Variants in GLYR1 observed in about 807,000 individuals in gnomAD.
GLYR1 encodes cytokine-like nuclear factor N-PAC.
In GLYR1, 21 loss-of-function variants were observed where a neutral mutation model predicts 72.7. The observed-to-expected ratio is 0.29, with a 90% CI of 0.20 to 0.42. GLYR1 has a LOEUF of 0.42. Ranked by LOEUF, GLYR1 falls within the 10% of genes least tolerant of loss-of-function variation. The pLI, the probability that GLYR1 is intolerant of heterozygous loss-of-function variation, is 1.00. For missense variants in GLYR1, 594 were observed against 712.1 expected (o/e 0.83, Z 1.89); for synonymous variants, 392 against 270.2 (o/e 1.45, Z -4.42).
In GLYR1 at chr16:4,811,787, G is replaced by A. The variant is rs2083334284; in HGVS notation, c.1298C>T (p.Ala433Val). ...GTTCACGATCAGCATCATCTTGGCT[G>A]CATTGCCCACTTCACCTGCCCAGGG... ...TSFFLGEVGN[A>V]AKMMLIVNMV... The change falls in exon 14 of 16, where the codon GCA becomes GTA. Residue 433 changes from alanine to valine, a missense_variant. By Grantham distance (64) the Ala-to-Val change is moderately conservative. Transcript: ENST00000321919. 2 of 1,613,104 alleles carry A rather than the reference G, an allele frequency of 1.2e-6. No individual in the cohort carries two copies. Among genetic ancestry groups the A allele is most frequent in the African/African-American group, 1.3e-5 (1 of 74,908 alleles).
rs903438359 is a variant in GLYR1, at chr16:4,824,516, G to GA, written c.538-610dup. ...TCCATCTCAAAAAAAAAAAAAAAAA[G>GA]AAAAAAAAGAAACAGTAGTGGCTTC... On this transcript the variant is annotated intron_variant, in intron 5 of 15. Transcript: ENST00000321919. Among the ~76,000 whole-genome samples, 1,040 of 131,924 alleles carry GA rather than the reference G, an allele frequency of 7.9e-3. 8 individuals carry two copies. Among genetic ancestry groups the GA allele is most frequent in the African/African-American group, 0.027 (994 of 36,204 alleles). 86.5% of individuals were successfully genotyped at this position (131,924 alleles called of 152,430 possible).
intron 3 of GLYR1, among the ~76,000 whole-genome samples, chr16:4,834,654 CG>C (rs2085021386): frequency 6.6e-6 from 1 of 151,940 alleles, no homozygotes; most frequent in South Asian, 2.1e-4. Flanking sequence ...CTAGTAGAGA[CG>C]GGGTTTCCCT....
At chr16:4,845,047 G>C (rs376862459) in intron 3 of GLYR1, 27 bp downstream of exon 3, 1 of 1,488,840 alleles carries the variant, frequency 6.7e-7, no homozygotes. Flanking sequence ...GAAAGGCGAA[G>C]GGAGACTCCT....
chr16:4,838,990 G>A (rs959937878), intron 3 of GLYR1, among the ~76,000 whole-genome samples: 3 of 152,136 alleles, frequency 2.0e-5, no homozygotes, highest in African/African-American at 7.2e-5. Flanking sequence ...AGGCTCAAGC[G>A]ATCCTTCTGC....
chr16:4,805,880 T>G (rs553071781), intron 15 of GLYR1, among the ~76,000 whole-genome samples: 1 of 150,468 alleles, frequency 6.6e-6, no homozygotes, highest in Non-Finnish European at 1.5e-5. Flanking sequence ...ACTCAGGAGG[T>G]TGAGGCAGGA....
In GLYR1 at chr16:4,821,383, T is replaced by C. The variant is rs1295283039; in HGVS notation, c.803A>G (p.Lys268Arg). The C allele has an allele frequency of 1.2e-6, 2 of 1,612,894 alleles. No individual in the cohort carries two copies. Among genetic ancestry groups the C allele is most frequent in the Non-Finnish European group, 1.7e-6 (2 of 1,180,030 alleles). Residue 268 changes from lysine (K) to arginine (R), a missense_variant, in exon 9 of 16, where the codon AAA becomes AGA. By Grantham distance (26) the Lys-to-Arg change is conservative. Transcript: ENST00000321919. ...GCCTTTTCATCAAAGGTCCTACTTT[T>C]TGTCTGTGGGTGTGATGCTGCCATT... is the stretch of plus-strand genomic sequence containing the variant. ...AVNGSITPTD[K>R]KIGFLGLGLM...
At chr16:4,808,784 T>A (rs954931389) in intron 15 of GLYR1, among the ~76,000 whole-genome samples, 1 of 152,042 alleles carries the variant, frequency 6.6e-6, no homozygotes, top group South Asian at 2.1e-4. Flanking sequence ...AAAGCGGAAC[T>A]TCTACCCTAA....
rs1284981203 is a variant in GLYR1 at position 4,803,516 on chromosome 16, A to T, written c.*1720T>A. ...TATTCATAAAAAGGAACTTTACAGA[A>T]TTGTCAACAATATTAAGACAAAATT... On this transcript the variant is annotated 3_prime_UTR_variant, in exon 16 of 16. Coordinates refer to ENST00000321919, the MANE Select transcript of GLYR1 (RefSeq NM_032569.4). The T allele has an allele frequency of 6.6e-6, 1 of 152,612 alleles. No individual in the cohort carries two copies. The highest frequency in any genetic ancestry group is 1.5e-5 in the Non-Finnish European group (1 of 68,032). 9.5% of individuals were successfully genotyped at this position (152,612 alleles called of 1,614,324 possible). A position where few individuals can be genotyped will look rare whatever the true frequency, so the allele number is the denominator to read the frequency against.
intron 5 of GLYR1, among the ~76,000 whole-genome samples, chr16:4,828,834 C>G (rs1182984990): frequency 6.6e-6 from 1 of 152,084 alleles, no homozygotes; most frequent in African/African-American, 2.4e-5. Flanking sequence ...GATTCAAACT[C>G]CAGGCCCTCG....
chr16:4,816,332 G>A (rs1430749805), intron 10 of GLYR1, among the ~76,000 whole-genome samples: 1 of 151,958 alleles, frequency 6.6e-6, no homozygotes, highest in African/African-American at 2.4e-5. Context: ...TTTTTGTAGA[G>A]ATGGAGTCTC....
At chr16:4,807,752 C>T (rs1236772894) in intron 15 of GLYR1, among the ~76,000 whole-genome samples, 1 of 152,186 alleles carries the variant, frequency 6.6e-6, no homozygotes, top group Non-Finnish European at 1.5e-5. Context: ...ACATGAAACC[C>T]TTGGGAAATA....
rs1023507224 is a variant in GLYR1, at chr16:4,837,055, C to G, written c.156-4143G>C. The stretch of plus-strand genomic sequence containing the variant: ...TGAATACAGAACCGCCACTAAGGCA[C>G]TCTCAGATTACTCCAATCAAAATGA... On this transcript the variant is annotated intron_variant, in intron 3 of 15. Coordinates refer to ENST00000321919, the MANE Select transcript of GLYR1 (RefSeq NM_032569.4). Among the ~76,000 whole-genome samples, 3 of 152,216 alleles carry G rather than the reference C, an allele frequency of 2.0e-5. No homozygotes were observed. The East Asian group carries it at 5.8e-4, about 29-fold the overall frequency.
chr16:4,805,180 T>G lies in GLYR1; in HGVS notation c.*56A>C. 6.9e-7 allele frequency: 1 copy of G among 1,452,996 alleles called. No individual in the cohort carries two copies. The highest frequency in any genetic ancestry group is 9.6e-7 in the Non-Finnish European group (1 of 1,036,588). 90.0% of individuals were successfully genotyped at this position (1,452,996 alleles called of 1,614,324 possible). ...GAACTCCCAGGCCCCCGACCCCATGTGAGGAAGAGGGGGTCAGAGGGGGGA... is the reference window on the plus strand; with the variant it reads ...GAACTCCCAGGCCCCCGACCCCATGGGAGGAAGAGGGGGTCAGAGGGGGGA... On this transcript the variant is annotated 3_prime_UTR_variant, in exon 16 of 16. Coordinates refer to ENST00000321919, the MANE Select transcript of GLYR1 (RefSeq NM_032569.4).
intron 1 of GLYR1, 45 bp downstream of exon 1, chr16:4,847,183 G>T: frequency 6.4e-7 from 1 of 1,557,590 alleles, no homozygotes; most frequent in Non-Finnish European, 8.8e-7. Context: ...GCCCAGGCGG[G>T]TAGCTCCCCG....
intron 5 of GLYR1, among the ~76,000 whole-genome samples, chr16:4,830,991 G>C (rs1822556768): frequency 6.6e-6 from 1 of 152,060 alleles, no homozygotes; most frequent in Non-Finnish European, 1.5e-5. Context: ...AAGCTCCCAG[G>C]CTGTCTAGGC....
chr16:4,841,265 C>T (rs1315846767), intron 3 of GLYR1, among the ~76,000 whole-genome samples: 1 of 151,790 alleles, frequency 6.6e-6, no homozygotes, highest in Non-Finnish European at 1.5e-5. Context: ...TTTCTGTGTC[C>T]TATTTCTAGC....
chr16:4,841,135 C>G (rs4786553), intron 3 of GLYR1, among the ~76,000 whole-genome samples: 5 of 152,178 alleles, frequency 3.3e-5, no homozygotes, highest in Non-Finnish European at 7.3e-5. Flanking sequence ...AAAGAACCTT[C>G]GTCAGTTAGA....
chr16:4,815,545 T>C (rs1027531467), intron 10 of GLYR1, among the ~76,000 whole-genome samples: 16 of 151,996 alleles, frequency 1.1e-4, no homozygotes, highest in Non-Finnish European at 1.9e-4. Flanking sequence ...ACAAAACTTC[T>C]CTATGTTTTA....
At chr16:4,824,032 G>A (rs756992913) in intron 5 of GLYR1, 125 bp from the exon 6 acceptor site, 8 of 658,960 alleles carry the variant, frequency 1.2e-5, no homozygotes, top group South Asian at 5.7e-5. Context: ...ACCGTCCCTC[G>A]GGAGAAACAA....
Sources: allele counts gnomAD v4.1 joint callset (sites outside exome capture counted in the v4.1 genomes callset), GRCh38; gene constraint gnomAD v4.1.1; transcripts MANE v1.5; gene names NCBI Gene and HGNC (gene_info 2026-07-23, HGNC 2026-07-21).